The following RASSF8 variants were observed in gnomAD, a reference collection of about 807,000 sequenced individuals.
RASSF8 encodes Ras association domain family member 8, also known as ras association domain-containing protein 8.
In RASSF8, 22 loss-of-function variants were observed where a neutral mutation model predicts 48.5. That is an observed-to-expected ratio of 0.45 (90% CI 0.32 to 0.65). The LOEUF is 0.65. Among genes scored for constraint, RASSF8 ranks in the 30% least tolerant of loss-of-function variants. The pLI is 0.03. For synonymous variants in RASSF8, 127 were observed against 171.5 expected, an observed-to-expected ratio of 0.74 and a Z score of 2.03; for missense variants, 418 against 489.2, an observed-to-expected ratio of 0.85 and a Z score of 1.37.
intron 2 of RASSF8, among the ~76,000 whole-genome samples, chr12:26,023,415 A>G (rs1370007632): frequency 3.9e-5 from 6 of 152,214 alleles, no homozygotes; most frequent in African/African-American, 1.2e-4. Flanking sequence ...CTTAAAAGGA[A>G]ACATTAAGAT....
rs1344404888 is a variant in RASSF8, at chr12:26,024,337, C to A, written c.-109+29207C>A. ...TTCTGTATCTCATTGGAATAAAGAT[C>A]TCCTCACAAAGAAAAGTCTCCGTCC... On this transcript the variant is annotated intron_variant, in intron 2 of 5. Transcript: ENST00000689635. 2.6e-5 allele frequency among the ~76,000 whole-genome samples: 4 copies of A among 152,012 alleles called. No individual in the cohort carries two copies. The East Asian group carries it at 7.7e-4, about 29-fold the overall frequency.
chr12:26,029,791 ATCAATC>A lies in RASSF8; in HGVS notation c.-108-25440_-108-25435del, dbSNP rs574642034. On this transcript the variant is annotated intron_variant, in intron 2 of 5. Transcript: ENST00000689635. Reference sequence around the variant, plus strand: ...TACCCACTGGTTAAAGGAAAAAAAAATCAATCTCAAACTATGACGTCCGAGTTATAC... The same window carrying A: ...TACCCACTGGTTAAAGGAAAAAAAAATCAAACTATGACGTCCGAGTTATAC... 2.2e-3 allele frequency among the ~76,000 whole-genome samples: 329 copies of A among 152,344 alleles called. 1 individual carries two copies. The highest frequency in any genetic ancestry group is 7.5e-3 in the African/African-American group (313 of 41,566).
At chr12:26,042,847 G>C in intron 2 of RASSF8, among the ~76,000 whole-genome samples, 1 of 152,280 alleles carries the variant, frequency 6.6e-6, no homozygotes, top group African/African-American at 2.4e-5. Flanking sequence ...CATATTCACA[G>C]TAGCATCAAT....
chr12:26,079,074 A>T (rs1228890675), exon 6 of RASSF8: 8 of 1,543,726 alleles, frequency 5.2e-6, no homozygotes, highest in Non-Finnish European at 7.0e-6. Context: ...TAAAGATTAG[A>T]TATCACACCA....
chr12:25,961,761 G>A (rs1001090493), intron 1 of RASSF8, among the ~76,000 whole-genome samples: 1 of 152,130 alleles, frequency 6.6e-6, no homozygotes, highest in East Asian at 1.9e-4. Context: ...TCAGAATTGA[G>A]CTCTTGGTCA....
intron 2 of RASSF8, among the ~76,000 whole-genome samples, chr12:26,017,425 A>G (rs2137048213): frequency 1.3e-5 from 2 of 152,344 alleles, no homozygotes; most frequent in East Asian, 1.9e-4. Context: ...ATTATATAAT[A>G]TGAACTTAAG....
intron 1 of RASSF8, chr12:25,959,779 CGGCACTG>C (rs1941186161): frequency 6.6e-6 from 1 of 152,108 alleles, no homozygotes; most frequent in Non-Finnish European, 1.5e-5. Flanking sequence ...GGTCCTGGTG[CGGCACTG>C]GGTTTTAAAA....
chr12:26,059,789 G>T (rs552943898), intron 3 of RASSF8, among the ~76,000 whole-genome samples: 1 of 152,328 alleles, frequency 6.6e-6, no homozygotes, highest in South Asian at 2.1e-4. Flanking sequence ...GTTAGATTAT[G>T]CTGTGTTAAC....
intron 2 of RASSF8, among the ~76,000 whole-genome samples, chr12:26,025,066 T>C (rs993989384): frequency 1.3e-5 from 2 of 152,150 alleles, no homozygotes; most frequent in Admixed American, 1.3e-4. Flanking sequence ...CTCTTTATGA[T>C]AAAAAACATT....
At chr12:26,039,970 T>A (rs1039087511) in intron 2 of RASSF8, among the ~76,000 whole-genome samples, 5 of 152,216 alleles carry the variant, frequency 3.3e-5, no homozygotes, top group African/African-American at 9.6e-5. Context: ...CTGACCCTGG[T>A]AATACTGTAA....
chr12:26,004,883 G>A (rs1368799281), intron 2 of RASSF8, among the ~76,000 whole-genome samples: 4 of 152,036 alleles, frequency 2.6e-5, no homozygotes, highest in African/African-American at 7.3e-5. Context: ...ATAAAATGAG[G>A]TGGTTCATGC....
At chr12:25,983,891 G>T (rs1187900776) in intron 1 of RASSF8, among the ~76,000 whole-genome samples, 1 of 152,170 alleles carries the variant, frequency 6.6e-6, no homozygotes, top group African/African-American at 2.4e-5. Context: ...GTGTGTGCCA[G>T]CCTGTTGACA....
At chr12:25,988,264 A>G (rs558761004) in intron 1 of RASSF8, among the ~76,000 whole-genome samples, 9 of 152,320 alleles carry the variant, frequency 5.9e-5, no homozygotes, top group African/African-American at 1.9e-4. Flanking sequence ...CATAAAGGGA[A>G]CACAGTGGGA....
exon 6 of RASSF8, chr12:26,079,161 G>C (rs1179863787): frequency 2.2e-6 from 2 of 907,366 alleles, no homozygotes; most frequent in Non-Finnish European, 3.3e-6. Context: ...CAAAGGAAAC[G>C]ATCACCAAAA....
chr12:25,980,037 G>A (rs548831846), intron 1 of RASSF8, among the ~76,000 whole-genome samples: 5 of 152,274 alleles, frequency 3.3e-5, no homozygotes, highest in African/African-American at 9.6e-5. Flanking sequence ...TGGTAGTTAC[G>A]AAAATTTAGG....
chr12:25,985,914 C>T (rs943915018), intron 1 of RASSF8, among the ~76,000 whole-genome samples: 2 of 152,178 alleles, frequency 1.3e-5, no homozygotes, highest in Non-Finnish European at 1.5e-5. Flanking sequence ...CTACCTGTGC[C>T]TCTCGTATCA....
At chr12:26,026,972 T>C (rs1178647929) in intron 2 of RASSF8, among the ~76,000 whole-genome samples, 1 of 152,212 alleles carries the variant, frequency 6.6e-6, no homozygotes, top group Non-Finnish European at 1.5e-5. Context: ...TTATTCATAA[T>C]AGCCAAAAAT....
intron 2 of RASSF8, among the ~76,000 whole-genome samples, chr12:26,002,055 T>C (rs890292639): frequency 1.3e-5 from 2 of 152,222 alleles, no homozygotes; most frequent in African/African-American, 4.8e-5. Flanking sequence ...TGTAATCTAA[T>C]GGGGCTATAT....
At chr12:25,990,231 A>G (rs963740521) in intron 1 of RASSF8, among the ~76,000 whole-genome samples, 1 of 152,254 alleles carries the variant, frequency 6.6e-6, no homozygotes, top group African/African-American at 2.4e-5. Context: ...GGCTTATTTC[A>G]TGAAGGCTTC....
Sources: gnomAD v4.1 joint callset for allele counts (sites outside exome capture counted in the v4.1 genomes callset) on GRCh38, gnomAD v4.1.1 for gene constraint, MANE v1.5 for transcripts, NCBI Gene and HGNC (gene_info 2026-07-23, HGNC 2026-07-21) for gene names.